Variants in SPINK5 observed in about 807,000 individuals in gnomAD.
The protein encoded by SPINK5 is serine protease inhibitor Kazal-type 5.
SPINK5 carries 125 observed loss-of-function variants against 151.8 expected under a neutral mutation model. The ratio of observed to expected loss-of-function variants is 0.82; its 90% CI spans 0.71 to 0.96. The LOEUF (loss-of-function observed/expected upper bound fraction) is 0.96, where lower values mean the gene tolerates loss of function less well. Among genes scored for constraint, SPINK5 ranks in the 40% least tolerant of loss-of-function variants. The pLI, the probability that SPINK5 is intolerant of heterozygous loss-of-function variation, is 0.00. For missense variants in SPINK5, 1,194 were observed against 1,291.9 expected, an observed-to-expected ratio of 0.92 and a Z score of 1.16; for synonymous variants, 374 against 395.3, an observed-to-expected ratio of 0.95 and a Z score of 0.64.
At chr5:148,077,342 A>G (rs937025766) in intron 4 of SPINK5, among the ~76,000 whole-genome samples, 3 of 151,242 alleles carry the variant, frequency 2.0e-5, no homozygotes, top group African/African-American at 7.3e-5. Flanking sequence ...GCTGAAAGAA[A>G]AAAAAGATTA....
intron 4 of SPINK5, among the ~76,000 whole-genome samples, chr5:148,081,238 C>A (rs1184382521): frequency 1.3e-5 from 2 of 151,492 alleles, no homozygotes; most frequent in Non-Finnish European, 3.0e-5. Flanking sequence ...AACAGATTGA[C>A]CATGTGATCC....
At chr5:148,081,052 A>T (rs1753006493) in intron 4 of SPINK5, among the ~76,000 whole-genome samples, 1 of 151,690 alleles carries the variant, frequency 6.6e-6, no homozygotes, top group South Asian at 2.1e-4. Flanking sequence ...GCAAATGCTA[A>T]TTAAAACCAC....
At chr5:148,108,877 C>T (rs775826550) in intron 18 of SPINK5, 40 bp downstream of exon 18, 30 of 1,607,772 alleles carry the variant, frequency 1.9e-5, no homozygotes, top group Admixed American at 1.7e-4. Context: ...AAATATTCAA[C>T]GATCACTCTC....
chr5:148,098,675 T>TC (rs1561687411), intron 11 of SPINK5, among the ~76,000 whole-genome samples: 1 of 118,166 alleles, frequency 8.5e-6, no homozygotes, highest in African/African-American at 2.7e-5. Context: ...GGTTTTTTTT[T>TC]TCACATCTTG....
intron 27 of SPINK5, 87 bp from the exon 28 acceptor site, chr5:148,124,677 GT>G (rs1754381965): frequency 9.8e-7 from 1 of 1,025,130 alleles, no homozygotes; most frequent in African/African-American, 1.7e-5. Context: ...ATTTGCTAAT[GT>G]TTAGAATCGC....
intron 4 of SPINK5, among the ~76,000 whole-genome samples, chr5:148,077,589 G>A (rs1752915994): frequency 6.9e-6 from 1 of 145,946 alleles, no homozygotes; most frequent in South Asian, 2.1e-4. Context: ...CTTTTTAAAA[G>A]AAATAATCTT....
chr5:148,099,408 C>A, intron 12 of SPINK5, 93 bp downstream of exon 12: 2 of 1,031,734 alleles, frequency 1.9e-6, no homozygotes, highest in Non-Finnish European at 3.0e-6. Context: ...TGCAGAAATC[C>A]CCAGAATATC....
rs778635208 is a variant in SPINK5 at position 148,131,405 on chromosome 5, G to A, written c.3095+16G>A. 11 of 1,613,428 alleles carry A rather than the reference G, an allele frequency of 6.8e-6. No homozygotes were observed. The Admixed American group carries it at 1.5e-4, about 22-fold the overall frequency. On this transcript the variant is annotated intron_variant, in intron 31 of 32. Coordinates refer to ENST00000256084, the MANE Select transcript of SPINK5 (RefSeq NM_006846.4). The stretch of plus-strand genomic sequence containing the variant: ...ATGAAAACCTGTAAGTATTCAAGTT[G>A]CCCCATCATATCTTCCAGTTTAGAA...
At chr5:148,070,257 A>G in intron 2 of SPINK5, 66 bp from the exon 3 acceptor site, 1 of 1,559,086 alleles carries the variant, frequency 6.4e-7, no homozygotes, top group Non-Finnish European at 8.8e-7. Context: ...ATCTACATAT[A>G]TATATCAAAA....
At chr5:148,119,195 T>A in intron 24 of SPINK5, 137 bp downstream of exon 24, 1 of 779,904 alleles carries the variant, frequency 1.3e-6, no homozygotes. Flanking sequence ...AAGTTATCAG[T>A]GACTCTCACT....
chr5:148,068,013 A>C (rs1752629783), intron 2 of SPINK5, among the ~76,000 whole-genome samples: 1 of 152,156 alleles, frequency 6.6e-6, no homozygotes, highest in South Asian at 2.1e-4. Flanking sequence ...TTACTTAATA[A>C]GGGATATATT....
intron 17 of SPINK5, among the ~76,000 whole-genome samples, chr5:148,107,395 G>GT (rs757703536): frequency 6.9e-4 from 105 of 151,182 alleles, no homozygotes; most frequent in Admixed American, 1.2e-3. Context: ...CAATTTAATG[G>GT]TTTTTTTTTA....
At chr5:148,126,919 A>T (rs1329068841) in intron 29 of SPINK5, 64 bp from the exon 30 acceptor site, 2 of 1,370,774 alleles carry the variant, frequency 1.5e-6, no homozygotes, top group Non-Finnish European at 2.0e-6. Context: ...GGATTGCTTA[A>T]CTTCTCACTG....
intron 4 of SPINK5, among the ~76,000 whole-genome samples, chr5:148,074,402 G>T (rs1189131123): frequency 1.3e-5 from 2 of 151,490 alleles, no homozygotes; most frequent in African/African-American, 4.8e-5. Context: ...TGGTGTTTTG[G>T]TACATGTAAA....
At chr5:148,112,497 AC>A (rs1479251980) in intron 19 of SPINK5, among the ~76,000 whole-genome samples, 1 of 152,004 alleles carries the variant, frequency 6.6e-6, no homozygotes, top group African/African-American at 2.4e-5. Flanking sequence ...ACATGGTGAA[AC>A]CCCACCTTTA....
intron 31 of SPINK5, 101 bp downstream of exon 31, chr5:148,131,490 A>C: frequency 6.6e-7 from 1 of 1,521,836 alleles, no homozygotes; most frequent in South Asian, 1.1e-5. Flanking sequence ...AATGTGTTGC[A>C]AGTAATTTAT....
intron 5 of SPINK5, 78 bp from the exon 6 acceptor site, chr5:148,088,464 C>T: frequency 8.1e-7 from 1 of 1,236,638 alleles, no homozygotes; most frequent in Non-Finnish European, 1.2e-6. Context: ...AATGACAATG[C>T]AATGTAGAGC....
At chr5:148,118,790 T>C (rs1228904981) in intron 23 of SPINK5, among the ~76,000 whole-genome samples, 196 bp from the exon 24 acceptor site, 1 of 152,206 alleles carries the variant, frequency 6.6e-6, no homozygotes, top group Non-Finnish European at 1.5e-5. Context: ...TTCTGTGAAC[T>C]CTAAGTGCTA....
rs201877479 is a variant in SPINK5 at position 148,072,135 on chromosome 5, T to A, written c.210-13T>A. ...ACAATGTTTAAACTATGCTATTTCT[T>A]GTCCTTTTCCAGGGAAAAAGAAGCA... On this transcript the variant is annotated splice_polypyrimidine_tract_variant and intron_variant, in intron 3 of 32. Transcript: ENST00000256084. 1.9e-6 allele frequency: 3 copies of A among 1,610,728 alleles called. No individual in the cohort carries two copies. The highest frequency in any genetic ancestry group is 2.5e-6 in the Non-Finnish European group (3 of 1,177,526).
Sources: gnomAD v4.1 joint callset for allele counts (sites outside exome capture counted in the v4.1 genomes callset) on GRCh38, gnomAD v4.1.1 for gene constraint, MANE v1.5 for transcripts, NCBI Gene and HGNC (gene_info 2026-07-23, HGNC 2026-07-21) for gene names.